The following DNAJB4 variants were observed in gnomAD, a reference collection of about 807,000 sequenced individuals.
The protein encoded by DNAJB4 is dnaJ homolog subfamily B member 4.
Under a neutral mutation model 26.6 loss-of-function variants are expected in DNAJB4, and 10 were observed. That is an observed-to-expected ratio of 0.38 (90% CI 0.23 to 0.64). The LOEUF (loss-of-function observed/expected upper bound fraction) is 0.64, where lower values mean the gene tolerates loss of function less well. DNAJB4 is among the 30% of genes least tolerant of loss of function. DNAJB4 has a pLI of 0.58. For missense variants in DNAJB4, 328 were observed against 408.2 expected, an observed-to-expected ratio of 0.80 and a Z score of 1.69; for synonymous variants, 136 against 134.8, an observed-to-expected ratio of 1.01 and a Z score of -0.06.
At chr1:78,001,546 A>G (rs2102601842), upstream of DNAJB4, among the ~76,000 whole-genome samples, 1 of 152,254 alleles carries the variant, frequency 6.6e-6, no homozygotes, top group Non-Finnish European at 1.5e-5. Flanking sequence ...ATAAACTGAG[A>G]AATGATTTGT....
At chr1:77,997,940 A>G (rs1660102639) in intron 1 of DNAJB4, among the ~76,000 whole-genome samples, 1 of 152,114 alleles carries the variant, frequency 6.6e-6, no homozygotes, top group African/African-American at 2.4e-5. Context: ...GGTGCACGCC[A>G]CCATGCCCAG....
chr1:77,986,164 A>G (rs184542902), intron 1 of DNAJB4, among the ~76,000 whole-genome samples: 6 of 152,306 alleles, frequency 3.9e-5, no homozygotes, highest in Non-Finnish European at 8.8e-5. Flanking sequence ...TGCTCTGTTT[A>G]TATCTTGGGG....
At chr1:77,980,900 A>C (rs1412228743) in intron 1 of DNAJB4, among the ~76,000 whole-genome samples, 4 of 152,222 alleles carry the variant, frequency 2.6e-5, no homozygotes, top group South Asian at 2.1e-4. Context: ...TTGAAAAATC[A>C]GTGCACGTAT....
intron 1 of DNAJB4, among the ~76,000 whole-genome samples, chr1:78,011,532 C>T (rs61778905): frequency 6.7e-6 from 1 of 150,104 alleles, no homozygotes; most frequent in East Asian, 2.0e-4. Context: ...TTGCCCAGGC[C>T]GGAGTGCAAT....
chr1:77,994,524 T>C (rs1660014640), intron 1 of DNAJB4, among the ~76,000 whole-genome samples: 1 of 151,850 alleles, frequency 6.6e-6, no homozygotes, highest in African/African-American at 2.4e-5. Context: ...CTGCATATCC[T>C]CTCCTCCTCT....
intron 1 of DNAJB4, among the ~76,000 whole-genome samples, chr1:78,012,791 C>G (rs568501086): frequency 4.8e-5 from 7 of 146,014 alleles, no homozygotes; most frequent in Non-Finnish European, 9.1e-5. Context: ...CCTGGGCAAA[C>G]AAGAGCGAAA....
upstream of DNAJB4, among the ~76,000 whole-genome samples, chr1:78,001,225 A>G (rs1417312585): frequency 5.3e-5 from 8 of 151,964 alleles, no homozygotes; most frequent in Non-Finnish European, 1.0e-4. Context: ...CTGTAGTCCC[A>G]GCTACTCGAG....
At position 77,986,786 on chromosome 1, in the gene DNAJB4, A is replaced by G. The variant is rs559518531; in HGVS notation, c.-32+6464A>G. ...AAAACCCTTATTAAATGGCTTAAAT[A>G]ATAAAAAATCCAGGGGTAGAGTGGC... On this transcript the variant is annotated intron_variant, in intron 1 of 2. Coordinates refer to the DNAJB4 transcript ENST00000426517. 3.3e-5 allele frequency among the ~76,000 whole-genome samples: 5 copies of G among 152,306 alleles called. No individual in the cohort carries two copies. The East Asian group carries it at 9.6e-4, about 29-fold the overall frequency.
chr1:78,003,316 TA>T (rs1451537132), upstream of DNAJB4, among the ~76,000 whole-genome samples: 4 of 151,920 alleles, frequency 2.6e-5, no homozygotes, highest in Non-Finnish European at 4.4e-5. Context: ...TTGGTGAGGC[TA>T]AAAAAATTGA....
chr1:78,016,158 G>T lies in DNAJB4; in HGVS notation c.925G>T (p.Asp309Tyr). 1 of 1,614,100 alleles carries T rather than the reference G, an allele frequency of 6.2e-7. No homozygotes were observed. The highest frequency in any genetic ancestry group is 8.5e-7 in the Non-Finnish European group (1 of 1,180,028). ...PFPKNPDQRG[D>Y]LLIEFEVSFP... The stretch of plus-strand genomic sequence containing the variant: ...TCCAAAAAATCCTGACCAACGTGGT[G>T]ACCTTCTAATAGAATTTGAGGTGTC... Residue 309 changes from aspartate (D) to tyrosine (Y), a missense_variant, in exon 3 of 3, where the codon GAC becomes TAC. Transcript: ENST00000370763.
In DNAJB4 at chr1:78,016,291, T is replaced by G. The variant is rs747355322; in HGVS notation, c.*44T>G. On this transcript the variant is annotated 3_prime_UTR_variant, in exon 3 of 3. Transcript: ENST00000370763. ...ACATATTTTGATAAGGCACTGAAAA[T>G]ATAAAAGGACTGGTAGTTTACTGAT... is the stretch of plus-strand genomic sequence containing the variant. 6 of 1,519,542 alleles carry G rather than the reference T, an allele frequency of 3.9e-6. No individual in the cohort carries two copies. Among genetic ancestry groups the G allele is most frequent in the Non-Finnish European group, 4.5e-6 (5 of 1,102,844 alleles). 94.1% of individuals were successfully genotyped at this position (1,519,542 alleles called of 1,614,324 possible).
At chr1:78,007,435 G>T (rs1660357606) in intron 1 of DNAJB4, among the ~76,000 whole-genome samples, 1 of 151,990 alleles carries the variant, frequency 6.6e-6, no homozygotes, top group East Asian at 1.9e-4. Flanking sequence ...ACAAAAATTA[G>T]CTAGGTGTGG....
At position 77,992,329 on chromosome 1, in the gene DNAJB4, C is replaced by T. The variant is rs546971137; in HGVS notation, c.-32+12007C>T. On this transcript the variant is annotated intron_variant, in intron 1 of 2. Coordinates refer to the DNAJB4 transcript ENST00000426517. ...TTGGGAGGCTGAGGCAGGAGAATGG[C>T]GTGAACCCGGGAGGCGGAGCTTGCA... 3.2e-3 allele frequency among the ~76,000 whole-genome samples: 423 copies of T among 131,372 alleles called. 4 individuals are homozygous for T. Among genetic ancestry groups the T allele is most frequent in the Middle Eastern group, 8.6e-3 (2 of 232 alleles). The allele number at this position is 131,372 out of a possible 152,430, so 86.2% of individuals were successfully genotyped here. A position where few individuals can be genotyped will look rare whatever the true frequency, so the allele number is the denominator to read the frequency against.
At position 78,016,192 on chromosome 1, in the gene DNAJB4, A is replaced by T; in HGVS notation, c.959A>T (p.Asp320Val). Residue 320 changes from aspartate (D) to valine (V), a missense_variant, in exon 3 of 3, where the codon GAT (aspartate) becomes GTT (valine). Physicochemically the swap from Asp to Val is radical, Grantham distance 152 (BLOSUM62 -3). Coordinates refer to ENST00000370763, the MANE Select transcript of DNAJB4 (RefSeq NM_007034.5). The stretch of plus-strand genomic sequence containing the variant: ...ATAGAATTTGAGGTGTCCTTCCCAG[A>T]TACTATATCTTCTTCATCCAAAGAA... ...LLIEFEVSFPDTISSSSKEVL... is the reference protein window; with the variant it reads ...LLIEFEVSFPVTISSSSKEVL... 1 of 1,614,158 alleles carries T rather than the reference A, an allele frequency of 6.2e-7. No individual in the cohort carries two copies.
At position 78,016,280 on chromosome 1, in the gene DNAJB4, G is replaced by A. The variant is rs1660641213; in HGVS notation, c.*33G>A. On this transcript the variant is annotated 3_prime_UTR_variant, in exon 3 of 3. Transcript: ENST00000370763. ...AACTTTGTTACACATATTTTGATAA[G>A]GCACTGAAAATATAAAAGGACTGGT... 16 of 1,559,708 alleles carry A rather than the reference G, an allele frequency of 1.0e-5. No homozygotes were observed. Among genetic ancestry groups the A allele is most frequent in the Non-Finnish European group, 1.1e-5 (13 of 1,136,754 alleles).
At chr1:77,990,770 A>C (rs1028120714) in intron 1 of DNAJB4, among the ~76,000 whole-genome samples, 2 of 152,220 alleles carry the variant, frequency 1.3e-5, no homozygotes, top group Non-Finnish European at 2.9e-5. Context: ...TGGGCAAATT[A>C]TACAGATGCT....
chr1:78,015,859 T>C (rs1424809130), intron 2 of DNAJB4, among the ~76,000 whole-genome samples, 155 bp from the exon 3 acceptor site: 2 of 152,260 alleles, frequency 1.3e-5, no homozygotes, highest in East Asian at 3.9e-4. Context: ...TCTGAAGGAA[T>C]TTTCTAATGA....
intron 1 of DNAJB4, among the ~76,000 whole-genome samples, chr1:77,997,418 G>C (rs1018946860): frequency 2.0e-5 from 3 of 151,506 alleles, no homozygotes; most frequent in Non-Finnish European, 4.4e-5. Flanking sequence ...CAGTTACTTG[G>C]GAGGCTGAGC....
chr1:77,996,978 C>G (rs548843333), intron 1 of DNAJB4, among the ~76,000 whole-genome samples: 1 of 152,132 alleles, frequency 6.6e-6, no homozygotes, highest in Non-Finnish European at 1.5e-5. Context: ...TGAGCCACAG[C>G]GCCTGGCCAG....
Sources: allele counts gnomAD v4.1 joint callset (sites outside exome capture counted in the v4.1 genomes callset), GRCh38; gene constraint gnomAD v4.1.1; transcripts MANE v1.5; gene names NCBI Gene and HGNC (gene_info 2026-07-23, HGNC 2026-07-21).